The following TMEM131L variants were observed in gnomAD, a reference collection of about 807,000 sequenced individuals.
TMEM131L encodes the protein transmembrane protein 131-like.
In TMEM131L, 54 loss-of-function variants were observed where a neutral mutation model predicts 192.2. That is an observed-to-expected ratio of 0.28 (90% confidence interval 0.23 to 0.35). The LOEUF (loss-of-function observed/expected upper bound fraction) is 0.35. Among genes scored for constraint, TMEM131L ranks in the 10% least tolerant of loss-of-function variants. The probability of loss-of-function intolerance (pLI) is 1.00; values close to 1 mark genes in which losing one functional copy is unlikely to be tolerated. For synonymous variants in TMEM131L, 701 were observed against 704.9 expected (o/e 0.99, Z 0.09); for missense variants, 1,888 against 1,972.9 (o/e 0.96, Z 0.82).
intron 12 of TMEM131L, 94 bp from the exon 13 acceptor site, chr4:153,585,364 T>C: frequency 8.1e-7 from 1 of 1,233,314 alleles, no homozygotes; most frequent in Admixed American, 2.0e-5. Flanking sequence ...AGTAACGTTT[T>C]ATGATGCTCC....
chr4:153,587,101 A>T (rs1730752126), intron 14 of TMEM131L, among the ~76,000 whole-genome samples: 1 of 152,160 alleles, frequency 6.6e-6, no homozygotes, highest in Non-Finnish European at 1.5e-5. Context: ...AAGCGTACAG[A>T]TAGGAATTCT....
chr4:153,564,220 C>T (rs548672810), intron 7 of TMEM131L, among the ~76,000 whole-genome samples: 2 of 132,918 alleles, frequency 1.5e-5, no homozygotes, highest in Non-Finnish European at 3.1e-5. Context: ...ACCCGGGAGG[C>T]GGAGGTTGCA....
intron 21 of TMEM131L, 147 bp from the exon 22 acceptor site, chr4:153,602,005 C>A (rs747648798): frequency 9.0e-5 from 46 of 513,404 alleles, no homozygotes; most frequent in Non-Finnish European, 1.3e-4. Context: ...AGGTAGAAAT[C>A]ATTCTTTGAG....
chr4:153,564,569 CCTT>C (rs1729072457), intron 7 of TMEM131L, among the ~76,000 whole-genome samples: 2 of 152,028 alleles, frequency 1.3e-5, no homozygotes, highest in African/African-American at 2.4e-5. Context: ...GTCATTTGGT[CCTT>C]CTTTTTTATT....
At chr4:153,564,287 CAAAAA>C (rs1178320668) in intron 7 of TMEM131L, among the ~76,000 whole-genome samples, 26 of 17,644 alleles carry the variant, frequency 1.5e-3, no homozygotes, top group African/African-American at 2.9e-3. Flanking sequence ...AACTCCGTCT[CAAAAA>C]AAAAAAAAAA....
chr4:153,526,136 C>T (rs1307081952), intron 3 of TMEM131L, among the ~76,000 whole-genome samples: 1 of 152,240 alleles, frequency 6.6e-6, no homozygotes, highest in South Asian at 2.1e-4. Flanking sequence ...GGATTACAGG[C>T]GTGAGCCACC....
At chr4:153,563,172 G>GC (rs1728953686) in intron 7 of TMEM131L, among the ~76,000 whole-genome samples, 1 of 152,188 alleles carries the variant, frequency 6.6e-6, no homozygotes, top group Admixed American at 6.5e-5. Context: ...TGCAGGTACT[G>GC]CTTGACTCAT....
At chr4:153,560,101 A>G (rs997964747) in intron 7 of TMEM131L, among the ~76,000 whole-genome samples, 1 of 152,146 alleles carries the variant, frequency 6.6e-6, no homozygotes, top group South Asian at 2.1e-4. Context: ...GTCTCTCCCC[A>G]TCCTAATTTC....
chr4:153,495,546 CT>C (rs1392077609), intron 3 of TMEM131L, among the ~76,000 whole-genome samples: 1 of 152,102 alleles, frequency 6.6e-6, no homozygotes, highest in Non-Finnish European at 1.5e-5. Flanking sequence ...CTTGATTAGT[CT>C]TTGAGTGAAT....
chr4:153,541,332 T>C (rs1447446623), intron 3 of TMEM131L, among the ~76,000 whole-genome samples: 1 of 152,218 alleles, frequency 6.6e-6, no homozygotes, highest in East Asian at 1.9e-4. Context: ...TATTTTAAAA[T>C]TCTTTGAATT....
At chr4:153,478,758 C>T (rs1018979915) in intron 3 of TMEM131L, among the ~76,000 whole-genome samples, 2 of 152,168 alleles carry the variant, frequency 1.3e-5, no homozygotes, top group Non-Finnish European at 2.9e-5. Flanking sequence ...GTTTGCCCTG[C>T]TGTTTTAATG....
At chr4:153,474,794 G>T (rs1213334807) in intron 3 of TMEM131L, among the ~76,000 whole-genome samples, 4 of 152,082 alleles carry the variant, frequency 2.6e-5, no homozygotes, top group African/African-American at 7.2e-5. Context: ...GACCTCAAGT[G>T]ATCCGCCCGA....
chr4:153,616,675 A>G lies in TMEM131L; in HGVS notation c.3568-4081A>G, dbSNP rs1390452304. ...GTAGAAGAAGATCTATCCAGAATAA[A>G]CCACTTTTAACATTTTTGTATTCTT... is the stretch of plus-strand genomic sequence containing the variant. On this transcript the variant is annotated intron_variant, in intron 26 of 34. Coordinates refer to ENST00000409959, the MANE Select transcript of TMEM131L (RefSeq NM_001131007.2). Among the ~76,000 whole-genome samples the G allele has an allele frequency of 3.9e-5, 6 of 152,320 alleles. No individual in the cohort carries two copies. The East Asian group carries it at 1.2e-3, about 29-fold the overall frequency.
At chr4:153,484,209 A>G (rs1014155401) in intron 3 of TMEM131L, among the ~76,000 whole-genome samples, 3 of 152,140 alleles carry the variant, frequency 2.0e-5, no homozygotes, top group Non-Finnish European at 2.9e-5. Context: ...AGTAAATAGT[A>G]ATTTTCCCCC....
intron 3 of TMEM131L, among the ~76,000 whole-genome samples, chr4:153,484,412 C>T (rs540023389): frequency 2.2e-4 from 33 of 151,300 alleles, no homozygotes; most frequent in African/African-American, 7.8e-4. Flanking sequence ...ATGTTTTCTC[C>T]CAAAGTTTTC....
rs1224995928 is a variant in TMEM131L, at chr4:153,612,346, C to T, written c.3513C>T (p.His1171=). 1 of 1,600,868 alleles carries T rather than the reference C, an allele frequency of 6.2e-7. No individual in the cohort carries two copies. The highest frequency in any genetic ancestry group is 1.3e-5 in the African/African-American group (1 of 74,446). ...AGCCTTCTTCAGAAAAGAAGATTCA[C>T]AAAACATCTAGAGAAGACATGTTTT... ...DTKPSSEKKI[H]KTSREDMFSE... The change falls in exon 26 of 35, where the codon CAC becomes CAT. Residue 1171 remains histidine, a synonymous_variant. Transcript: ENST00000409959.
At chr4:153,634,111 G>A in intron 32 of TMEM131L, 81 bp from the exon 33 acceptor site, 1 of 1,150,662 alleles carries the variant, frequency 8.7e-7, no homozygotes, top group South Asian at 1.2e-5. Context: ...TAGGATGCTA[G>A]GCAGTAAAAT....
At chr4:153,496,110 A>G (rs1447769378) in intron 3 of TMEM131L, among the ~76,000 whole-genome samples, 1 of 152,242 alleles carries the variant, frequency 6.6e-6, no homozygotes, top group Non-Finnish European at 1.5e-5. Flanking sequence ...TTTCTTTAAA[A>G]TAATCCCATT....
At chr4:153,469,133 A>T (rs1336683915) in intron 2 of TMEM131L, among the ~76,000 whole-genome samples, 1 of 152,242 alleles carries the variant, frequency 6.6e-6, no homozygotes, top group Non-Finnish European at 1.5e-5. Context: ...AGATGTCAGA[A>T]TTCAGAAGCT....
Sources: gnomAD v4.1 joint callset for allele counts (sites outside exome capture counted in the v4.1 genomes callset) on GRCh38, gnomAD v4.1.1 for gene constraint, MANE v1.5 for transcripts, NCBI Gene and HGNC (gene_info 2026-07-23, HGNC 2026-07-21) for gene names.